The following HHAT variants were observed in gnomAD, a reference collection of about 807,000 sequenced individuals.
HHAT encodes the protein hedgehog acyltransferase.
HHAT carries 47 observed loss-of-function variants against 70.8 expected under a neutral mutation model. That is an observed-to-expected ratio of 0.66 (90% CI 0.53 to 0.85). The LOEUF (loss-of-function observed/expected upper bound fraction) is 0.85, where lower values mean the gene tolerates loss of function less well. Ranked by LOEUF, HHAT falls within the 40% of genes least tolerant of loss-of-function variation. The pLI, the probability that HHAT is intolerant of heterozygous loss-of-function variation, is 0.00. For missense variants in HHAT, 609 were observed against 604.8 expected (o/e 1.01, Z -0.07); for synonymous variants, 228 against 247.6 (o/e 0.92, Z 0.74).
chr1:210,562,897 C>G (rs1245125343), intron 9 of HHAT, among the ~76,000 whole-genome samples: 1 of 146,398 alleles, frequency 6.8e-6, no homozygotes, highest in Non-Finnish European at 1.5e-5. Context: ...TGAGTGAGAA[C>G]ATGCGGTGTT....
At chr1:210,542,632 T>TATAAA (rs969924011) in intron 9 of HHAT, among the ~76,000 whole-genome samples, 79 of 151,710 alleles carry the variant, frequency 5.2e-4, no homozygotes, top group South Asian at 1.7e-3. Context: ...ACTCCATCTC[T>TATAAA]ATAAAATAAA....
intron 11 of HHAT, among the ~76,000 whole-genome samples, chr1:210,638,762 A>G (rs1312739392): frequency 1.3e-5 from 2 of 148,320 alleles, no homozygotes; most frequent in Non-Finnish European, 3.0e-5. Flanking sequence ...TTAAATAGCC[A>G]GGTGTGGTGG....
intron 1 of HHAT, among the ~76,000 whole-genome samples, chr1:210,337,995 C>T (rs78526814): frequency 6.6e-6 from 1 of 152,170 alleles, no homozygotes; most frequent in African/African-American, 2.4e-5. Flanking sequence ...CTCACTGACA[C>T]AATTGGAGCT....
intron 8 of HHAT, among the ~76,000 whole-genome samples, chr1:210,489,066 A>G (rs551618333): frequency 3.4e-4 from 52 of 152,240 alleles, no homozygotes; most frequent in Non-Finnish European, 5.4e-4. Flanking sequence ...TGTTAATTGA[A>G]AAGTCTTAAG....
intron 10 of HHAT, among the ~76,000 whole-genome samples, chr1:210,617,777 T>C (rs1286970024): frequency 6.6e-6 from 1 of 152,240 alleles, no homozygotes. Flanking sequence ...TATTTGATTC[T>C]CTCTCAGGAG....
In HHAT at chr1:210,550,466, T is replaced by C. The variant is rs149368631; in HGVS notation, c.1043+37278T>C. Among the ~76,000 whole-genome samples the C allele has an allele frequency of 3.4e-4, 50 of 149,146 alleles. 7 individuals are homozygous for C. In the East Asian group the frequency reaches 0.01, roughly 31 times the overall value. On this transcript the variant is annotated intron_variant, in intron 9 of 11. Coordinates refer to ENST00000261458, the MANE Select transcript of HHAT (RefSeq NM_018194.6). ...ACTGTAAAATGGTGATAATACCTAC[T>C]TCAGGACTGCTGTTCAGCTTAAATG...
chr1:210,486,863 T>C (rs949624485), intron 8 of HHAT, among the ~76,000 whole-genome samples: 11 of 152,194 alleles, frequency 7.2e-5, no homozygotes, highest in Admixed American at 2.0e-4. Context: ...CATTAAATCC[T>C]GCACAGGCTG....
intron 2 of HHAT, among the ~76,000 whole-genome samples, chr1:210,361,652 G>C (rs960001986): frequency 6.6e-6 from 1 of 151,944 alleles, no homozygotes; most frequent in Admixed American, 6.6e-5. Flanking sequence ...CTTCTGGATA[G>C]CTCCTTTTTG....
rs542793027 is a variant in HHAT at position 210,381,387 on chromosome 1, T to G, written c.160-6081T>G. Reference sequence around the variant, plus strand: ...CCTCCACCTCCCAGGTTCAAGTGATTTTCATGTCTCAGCCTCCCGAGTAGC... The same window carrying G: ...CCTCCACCTCCCAGGTTCAAGTGATGTTCATGTCTCAGCCTCCCGAGTAGC... On this transcript the variant is annotated intron_variant, in intron 3 of 11. Coordinates refer to ENST00000261458, the MANE Select transcript of HHAT (RefSeq NM_018194.6). Among the ~76,000 whole-genome samples the G allele has an allele frequency of 1.7e-4, 26 of 152,212 alleles. No individual in the cohort carries two copies. The South Asian group carries it at 5.2e-3, about 30-fold the overall frequency.
In HHAT at chr1:210,358,277, A is replaced by G. The variant is rs191285002; in HGVS notation, c.92-4575A>G. 1.6e-3 allele frequency among the ~76,000 whole-genome samples: 250 copies of G among 152,290 alleles called. 1 individual carries two copies. The highest frequency in any genetic ancestry group is 3.0e-3 in the Non-Finnish European group (206 of 68,012). ...CAGAAGCTCTAAAGTTTTCCATGCA[A>G]ATTAAGCACCTGGTGGTCTGCCCCT... On this transcript the variant is annotated intron_variant, in intron 2 of 11. Transcript: ENST00000261458.
intron 3 of HHAT, among the ~76,000 whole-genome samples, chr1:210,386,222 C>CTTTTTTCTT (rs1558409107): frequency 5.7e-5 from 4 of 69,890 alleles, no homozygotes; most frequent in African/African-American, 2.1e-4. Flanking sequence ...GAGTCCTTTT[C>CTTTTTTCTT]TTTTTTTCTT....
chr1:210,572,446 A>T (rs1656542816), intron 9 of HHAT, among the ~76,000 whole-genome samples: 1 of 152,086 alleles, frequency 6.6e-6, no homozygotes. Context: ...TCCCACTTTT[A>T]TCCCTTTCTG....
At position 210,396,970 on chromosome 1, in the gene HHAT, A is replaced by G. The variant is rs532422759; in HGVS notation, c.274-3498A>G. Among the ~76,000 whole-genome samples, 15 of 152,360 alleles carry G rather than the reference A, an allele frequency of 9.8e-5. No individual in the cohort carries two copies. In the South Asian group the frequency reaches 2.9e-3, roughly 29 times the overall value. ...GATGGAGCTGTTCTGCATTTTTACC[A>G]TGGTAGATACCAAACCTATACATGT... On this transcript the variant is annotated intron_variant, in intron 4 of 11. Coordinates refer to ENST00000261458, the MANE Select transcript of HHAT (RefSeq NM_018194.6).
At chr1:210,611,105 G>A (rs1230334467) in intron 10 of HHAT, among the ~76,000 whole-genome samples, 1 of 152,162 alleles carries the variant, frequency 6.6e-6, no homozygotes, top group Non-Finnish European at 1.5e-5. Context: ...ACTTTGGGCA[G>A]TATGGCCATT....
intron 10 of HHAT, among the ~76,000 whole-genome samples, chr1:210,601,320 T>A (rs2148820134): frequency 6.6e-6 from 1 of 152,278 alleles, no homozygotes; most frequent in South Asian, 2.1e-4. Flanking sequence ...GTTGGCCTGA[T>A]TAGAAAACCT....
chr1:210,354,192 T>G (rs1332208148), intron 2 of HHAT, among the ~76,000 whole-genome samples: 1 of 117,046 alleles, frequency 8.5e-6, no homozygotes, highest in African/African-American at 3.2e-5. Flanking sequence ...CTAAACATAA[T>G]GTCTTTTTTT....
At chr1:210,575,034 G>C (rs1472898058) in intron 9 of HHAT, among the ~76,000 whole-genome samples, 1 of 152,160 alleles carries the variant, frequency 6.6e-6, no homozygotes, top group African/African-American at 2.4e-5. Context: ...TAGAGGAGGT[G>C]TATGTCCAAG....
At chr1:210,354,284 A>G (rs2087381788) in intron 2 of HHAT, among the ~76,000 whole-genome samples, 1 of 138,172 alleles carries the variant, frequency 7.2e-6, no homozygotes, top group African/African-American at 2.8e-5. Context: ...TGCTCACTGT[A>G]ACCTCTGCCT....
intron 4 of HHAT, 108 bp downstream of exon 4, chr1:210,387,689 T>G: frequency 1.3e-6 from 1 of 747,026 alleles, no homozygotes; most frequent in Non-Finnish European, 2.2e-6. Flanking sequence ...ACTGGGAGCC[T>G]GGAAAAAATG....
Sources: allele counts gnomAD v4.1 joint callset (sites outside exome capture counted in the v4.1 genomes callset), GRCh38; gene constraint gnomAD v4.1.1; transcripts MANE v1.5; gene names NCBI Gene and HGNC (gene_info 2026-07-23, HGNC 2026-07-21).